Variants in SLC71A2 observed in about 807,000 individuals in gnomAD.
The protein encoded by SLC71A2 is solute carrier family 71 member 2.
At chr9:94,449,695 C>G in the SLC71A2 span, among the ~76,000 whole-genome samples, 1 of 152,178 alleles carries the variant, frequency 6.6e-6, no homozygotes, top group Non-Finnish European at 1.5e-5. Context: ...ATATAGTTAC[C>G]ATATGACTCA....
chr9:94,458,891 T>G, the SLC71A2 span, among the ~76,000 whole-genome samples: 1 of 152,216 alleles, frequency 6.6e-6, no homozygotes, highest in Non-Finnish European at 1.5e-5. Flanking sequence ...AGTCATAGGA[T>G]GGGATTATAG....
chr9:94,457,631 C>G, the SLC71A2 span, among the ~76,000 whole-genome samples: 1 of 152,196 alleles, frequency 6.6e-6, no homozygotes, highest in East Asian at 1.9e-4. Flanking sequence ...GGAGGACTGT[C>G]ACTGCCTTGG....
At chr9:94,458,432 C>T in the SLC71A2 span, 1 of 1,613,938 alleles carries the variant, frequency 6.2e-7, no homozygotes, top group African/African-American at 1.3e-5. Context: ...TGAGTTGGGC[C>T]CGAAATTGAA....
the SLC71A2 span, among the ~76,000 whole-genome samples, chr9:94,438,707 G>A: frequency 6.6e-6 from 1 of 152,156 alleles, no homozygotes; most frequent in African/African-American, 2.4e-5. Context: ...TTTTATAAAT[G>A]GGGTAGTGAA....
chr9:94,424,380 A>G, the SLC71A2 span, among the ~76,000 whole-genome samples: 2 of 151,738 alleles, frequency 1.3e-5, no homozygotes, highest in Non-Finnish European at 2.9e-5. Context: ...AATAACAGGC[A>G]TGCACCACCA....
chr9:94,402,188 C>T, the SLC71A2 span, among the ~76,000 whole-genome samples: 1 of 152,294 alleles, frequency 6.6e-6, no homozygotes, highest in Admixed American at 6.5e-5. Flanking sequence ...TCTGGGAATA[C>T]AGCCCAGTAG....
chr9:94,402,840 T>C, the SLC71A2 span, among the ~76,000 whole-genome samples: 1 of 152,238 alleles, frequency 6.6e-6, no homozygotes, highest in Non-Finnish European at 1.5e-5. Flanking sequence ...TTTTGCATTT[T>C]ATTTTTAATG....
chr9:94,374,443 A>C, the SLC71A2 span: 1 of 152,272 alleles, frequency 6.6e-6, no homozygotes, highest in African/African-American at 2.4e-5. Flanking sequence ...GAGGCTACTC[A>C]GGCGCGGGAC....
chr9:94,424,903 CTT>C, the SLC71A2 span, among the ~76,000 whole-genome samples: 16 of 135,572 alleles, frequency 1.2e-4, no homozygotes, highest in East Asian at 4.3e-4. Context: ...CCACAACTGG[CTT>C]TTTTTTTTTT....
chr9:94,432,405 C>T, the SLC71A2 span, among the ~76,000 whole-genome samples: 171 of 151,816 alleles, frequency 1.1e-3, 1 homozygote, highest in African/African-American at 4.0e-3. Flanking sequence ...GAGGCTGAGG[C>T]AGGAGAATTG....
the SLC71A2 span, chr9:94,459,426 T>TG: frequency 6.2e-7 from 1 of 1,612,724 alleles, no homozygotes; most frequent in Non-Finnish European, 8.5e-7. Flanking sequence ...CGGCAGAAAG[T>TG]GGGATTCTGC....
At chr9:94,459,152 G>A in the SLC71A2 span, 772,044 of 1,608,216 alleles carry the variant, frequency 0.48, 187,120 homozygotes, top group Admixed American at 0.64. Flanking sequence ...TGTTTTCCAC[G>A]TTCAACAGGG....
the SLC71A2 span, among the ~76,000 whole-genome samples, chr9:94,453,183 T>C: frequency 6.8e-6 from 1 of 146,216 alleles, no homozygotes; most frequent in South Asian, 2.2e-4. Flanking sequence ...GGAGTCTCGC[T>C]CTGTCACCCA....
chr9:94,409,699 C>T, the SLC71A2 span, among the ~76,000 whole-genome samples: 1 of 151,712 alleles, frequency 6.6e-6, no homozygotes, highest in Admixed American at 6.6e-5. Flanking sequence ...TTGTAACTTT[C>T]CTTGTGATTT....
At chr9:94,385,668 A>C in the SLC71A2 span, among the ~76,000 whole-genome samples, 1 of 152,196 alleles carries the variant, frequency 6.6e-6, no homozygotes, top group Non-Finnish European at 1.5e-5. Flanking sequence ...TTGGCCATAC[A>C]TGGCTTATTT....
the SLC71A2 span, chr9:94,446,788 G>C: frequency 1.8e-6 from 2 of 1,091,486 alleles, no homozygotes; most frequent in Admixed American, 3.4e-5. Context: ...AATGTGTATT[G>C]GCATTTTAAG....
At chr9:94,382,265 C>T in the SLC71A2 span, among the ~76,000 whole-genome samples, 2 of 152,078 alleles carry the variant, frequency 1.3e-5, no homozygotes, top group African/African-American at 4.8e-5. Flanking sequence ...GGATTCAAGT[C>T]GTCCACCTGC....
At chr9:94,389,988 G>A in the SLC71A2 span, among the ~76,000 whole-genome samples, 1 of 152,286 alleles carries the variant, frequency 6.6e-6, no homozygotes, top group African/African-American at 2.4e-5. Flanking sequence ...GCCGAGGTGG[G>A]TGGATCACGA....
the SLC71A2 span, chr9:94,415,101 A>G: frequency 7.7e-7 from 1 of 1,301,964 alleles, no homozygotes; most frequent in Non-Finnish European, 1.1e-6. Context: ...ATACCATTTT[A>G]AGATAATAGA....
Sources: gnomAD v4.1 joint callset for allele counts (sites outside exome capture counted in the v4.1 genomes callset) on GRCh38, gnomAD v4.1.1 for gene constraint, MANE v1.5 for transcripts, NCBI Gene and HGNC (gene_info 2026-07-23, HGNC 2026-07-21) for gene names.